ACSS3: variants seen among roughly 807,000 people sequenced by gnomAD.
ACSS3 encodes the protein acyl-CoA synthetase short-chain family member 3, mitochondrial.
In ACSS3, 64 loss-of-function variants were observed where a neutral mutation model predicts 84.2. The ratio of observed to expected loss-of-function variants is 0.76; its 90% CI spans 0.62 to 0.94. The LOEUF is 0.94. ACSS3 is among the 40% of genes least tolerant of loss of function. The pLI, the probability that ACSS3 is intolerant of heterozygous loss-of-function variation, is 0.00. For synonymous variants in ACSS3, 317 were observed against 310.1 expected, an observed-to-expected ratio of 1.02 and a Z score of -0.23; for missense variants, 815 against 867.6, an observed-to-expected ratio of 0.94 and a Z score of 0.76.
Position 81,216,923 on chromosome 12 carries a change from G to T in ACSS3, c.1377G>T (p.Ala459=), listed in dbSNP as rs61742651. The change falls in exon 10 of 16, where the codon GCG becomes GCT. Residue 459 remains alanine (A), a synonymous_variant. Transcript: ENST00000548058. The part of the protein sequence containing the change: ...WQTETGSPIT[A]SCVGLGNSKT... ...CAGAGACTGGATCTCCAATTACTGC[G>T]TCATGTGTTGGATTAGGCAATTCTA... is the stretch of plus-strand genomic sequence containing the variant. 22 of 1,610,536 alleles carry T rather than the reference G, an allele frequency of 1.4e-5. No homozygotes were observed. Among genetic ancestry groups the T allele is most frequent in the Non-Finnish European group, 1.7e-5 (20 of 1,177,522 alleles).
chr12:81,229,836 A>G (rs1344250289), intron 11 of ACSS3, among the ~76,000 whole-genome samples: 1 of 151,908 alleles, frequency 6.6e-6, no homozygotes, highest in Non-Finnish European at 1.5e-5. Context: ...CAGGATCACT[A>G]CTGGGAGGCT....
rs767171201 is a variant in ACSS3 at position 81,109,646 on chromosome 12, AT to A, written c.399del (p.Tyr133Ter). On this transcript the variant is annotated frameshift_variant, in exon 2 of 16. Coordinates refer to ENST00000548058, the MANE Select transcript of ACSS3 (RefSeq NM_024560.4). LOFTEE classifies it high-confidence loss of function. Reference sequence around the variant, plus strand: ...AAAGGGGATAAGATTGCTATCATCTATGACAGTCCTGTTACAAACACTAAAG... The same window carrying A: ...AAAGGGGATAAGATTGCTATCATCTAGACAGTCCTGTTACAAACACTAAAG... ...NGKGDKIAII[Y>X]DSPVTNTKAT... is the part of the protein sequence containing the mutation. The A allele has an allele frequency of 6.2e-7, 1 of 1,612,220 alleles. No homozygotes were observed. Among genetic ancestry groups the A allele is most frequent in the Non-Finnish European group, 8.5e-7 (1 of 1,179,122 alleles).
At chr12:81,194,617 T>G (rs1053174149) in intron 8 of ACSS3, among the ~76,000 whole-genome samples, 1 of 151,954 alleles carries the variant, frequency 6.6e-6, no homozygotes, top group African/African-American at 2.4e-5. Context: ...ATATTGTACC[T>G]TTCAATTTAT....
intron 10 of ACSS3, 26 bp downstream of exon 10, chr12:81,217,022 A>G (rs751384129): frequency 2.5e-6 from 4 of 1,577,106 alleles, no homozygotes; most frequent in African/African-American, 2.7e-5. Context: ...GATAATACGT[A>G]AAGTTAATAA....
At chr12:81,245,882 G>A (rs570640238) in intron 13 of ACSS3, among the ~76,000 whole-genome samples, 3 of 152,180 alleles carry the variant, frequency 2.0e-5, no homozygotes, top group Admixed American at 2.0e-4. Context: ...CAAAACCAGA[G>A]GTCCCTTTTC....
chr12:81,083,371 C>T (rs7487013), intron 1 of ACSS3, among the ~76,000 whole-genome samples: 60,216 of 137,780 alleles, frequency 0.44, 14,529 homozygotes, highest in Non-Finnish European at 0.57. Context: ...TTTTTTTTTT[C>T]TTTTGAGACG....
At chr12:81,210,546 C>A (rs2032552270) in intron 9 of ACSS3, among the ~76,000 whole-genome samples, 1 of 152,150 alleles carries the variant, frequency 6.6e-6, no homozygotes, top group Non-Finnish European at 1.5e-5. Flanking sequence ...ATGAACCTGG[C>A]AACTGTTGGA....
intron 9 of ACSS3, among the ~76,000 whole-genome samples, chr12:81,216,115 CAT>C (rs2032903417): frequency 6.6e-6 from 1 of 151,242 alleles, no homozygotes; most frequent in African/African-American, 2.4e-5. Context: ...TGATATTATC[CAT>C]ATATATTATA....
intron 13 of ACSS3, among the ~76,000 whole-genome samples, chr12:81,234,312 T>C (rs887742759): frequency 4.0e-5 from 6 of 151,446 alleles, no homozygotes; most frequent in Admixed American, 1.3e-4. Context: ...AAAGGACATA[T>C]GGGTTATATC....
intron 5 of ACSS3, among the ~76,000 whole-genome samples, chr12:81,145,763 C>T (rs1566002298): frequency 6.6e-6 from 1 of 152,114 alleles, no homozygotes; most frequent in Non-Finnish European, 1.5e-5. Context: ...GATGTGTCTT[C>T]AGGACATTTA....
intron 1 of ACSS3, among the ~76,000 whole-genome samples, chr12:81,079,718 T>C (rs550368258): frequency 6.6e-6 from 1 of 152,304 alleles, no homozygotes; most frequent in South Asian, 2.1e-4. Context: ...TCATAAAGAT[T>C]AAAAGCATGG....
In ACSS3 at chr12:81,134,847, A is replaced by T; in HGVS notation, c.488A>T (p.His163Leu). ...VSKLAGVLVK[H>L]GIKKGDTVVI... Reference sequence around the variant, plus strand: ...AAGCTGGCTGGTGTCTTGGTCAAGCATGGCATCAAGAAAGGTGACACTGTG... The same window carrying T: ...AAGCTGGCTGGTGTCTTGGTCAAGCTTGGCATCAAGAAAGGTGACACTGTG... The change falls in exon 3 of 16, where the codon CAT (histidine) becomes CTT (leucine). Residue 163 changes from histidine to leucine, a missense_variant. Coordinates refer to ENST00000548058, the MANE Select transcript of ACSS3 (RefSeq NM_024560.4). 3 of 1,582,708 alleles carry T rather than the reference A, an allele frequency of 1.9e-6. No homozygotes were observed. The highest frequency in any genetic ancestry group is 2.6e-6 in the Non-Finnish European group (3 of 1,161,612).
intron 1 of ACSS3, among the ~76,000 whole-genome samples, chr12:81,092,426 AAG>A (rs1881729164): frequency 6.6e-6 from 1 of 152,288 alleles, no homozygotes; most frequent in African/African-American, 2.4e-5. Context: ...TTCTGAAAAT[AAG>A]AGTAACAAAA....
At chr12:81,251,454 G>A (rs1447541102) in intron 13 of ACSS3, among the ~76,000 whole-genome samples, 1 of 151,950 alleles carries the variant, frequency 6.6e-6, no homozygotes, top group Non-Finnish European at 1.5e-5. Context: ...TGATAATGGG[G>A]GAGGCTATGT....
intron 3 of ACSS3, among the ~76,000 whole-genome samples, chr12:81,136,790 G>A (rs1885826468): frequency 6.6e-6 from 1 of 152,162 alleles, no homozygotes; most frequent in African/African-American, 2.4e-5. Flanking sequence ...ACAATGTTAA[G>A]AAGAGGCAGG....
intron 9 of ACSS3, among the ~76,000 whole-genome samples, chr12:81,209,892 G>A (rs1261183149): frequency 6.6e-6 from 1 of 152,166 alleles, no homozygotes; most frequent in Non-Finnish European, 1.5e-5. Flanking sequence ...GCACTGGTGA[G>A]AGTGTCTTTT....
At chr12:81,254,292 T>G (rs556443339) in intron 15 of ACSS3, among the ~76,000 whole-genome samples, 1 of 152,306 alleles carries the variant, frequency 6.6e-6, no homozygotes, top group South Asian at 2.1e-4. Context: ...AACTTAATCC[T>G]ATTGAATTAA....
intron 9 of ACSS3, among the ~76,000 whole-genome samples, chr12:81,200,335 T>G (rs2135898913): frequency 6.6e-6 from 1 of 152,324 alleles, no homozygotes; most frequent in South Asian, 2.1e-4. Context: ...TAGTCCCACT[T>G]AGTTCAATGA....
intron 9 of ACSS3, among the ~76,000 whole-genome samples, chr12:81,210,716 GA>G (rs2032557245): frequency 6.6e-6 from 1 of 152,060 alleles, no homozygotes; most frequent in Admixed American, 6.5e-5. Flanking sequence ...TAAATTACAG[GA>G]AAAAACTCAG....
Sources: gnomAD v4.1 joint callset for allele counts (sites outside exome capture counted in the v4.1 genomes callset) on GRCh38, gnomAD v4.1.1 for gene constraint, MANE v1.5 for transcripts, NCBI Gene and HGNC (gene_info 2026-07-23, HGNC 2026-07-21) for gene names.